EPHB1: variants seen among roughly 807,000 people sequenced by gnomAD.
EPHB1 encodes the protein EPH receptor B1, also known as ephrin type-B receptor 1.
A neutral mutation model predicts 94.4 loss-of-function variants in EPHB1; 30 were observed. That is an observed-to-expected ratio of 0.32 (90% confidence interval 0.24 to 0.43). The LOEUF (loss-of-function observed/expected upper bound fraction) is 0.43, where lower values mean the gene tolerates loss of function less well. EPHB1 is among the 20% of genes least tolerant of loss of function. The pLI, the probability that EPHB1 is intolerant of heterozygous loss-of-function variation, is 1.00. For missense variants in EPHB1, 1,055 were observed against 1,308.3 expected, an observed-to-expected ratio of 0.81 and a Z score of 2.99; for synonymous variants, 522 against 489.1, an observed-to-expected ratio of 1.07 and a Z score of -0.89.
At chr3:135,041,201 A>G (rs537856070) in intron 3 of EPHB1, among the ~76,000 whole-genome samples, 4 of 152,148 alleles carry the variant, frequency 2.6e-5, no homozygotes, top group African/African-American at 9.6e-5. Flanking sequence ...CTGCTATTCT[A>G]TTTTCTCTCT....
chr3:135,090,589 G>A (rs1938519529), intron 3 of EPHB1, among the ~76,000 whole-genome samples: 1 of 152,152 alleles, frequency 6.6e-6, no homozygotes, highest in African/African-American at 2.4e-5. Context: ...AACCCCCCTG[G>A]CAACATTGTG....
At chr3:135,079,591 T>G (rs1414262143) in intron 3 of EPHB1, among the ~76,000 whole-genome samples, 1 of 152,120 alleles carries the variant, frequency 6.6e-6, no homozygotes, top group Non-Finnish European at 1.5e-5. Context: ...AGCCCAACCA[T>G]CATCACATAG....
chr3:134,890,098 A>T (rs2037947044), intron 1 of EPHB1, among the ~76,000 whole-genome samples: 1 of 152,116 alleles, frequency 6.6e-6, no homozygotes, highest in African/African-American at 2.4e-5. Context: ...AACGCAGAGG[A>T]AGCCCCCATC....
chr3:134,895,241 G>T (rs140571681), intron 1 of EPHB1, among the ~76,000 whole-genome samples: 1 of 115,454 alleles, frequency 8.7e-6, no homozygotes, highest in Non-Finnish European at 2.0e-5. Context: ...GGCCCCAGCA[G>T]TTGACACCCA....
chr3:134,977,394 C>T (rs1934230292), intron 3 of EPHB1, among the ~76,000 whole-genome samples: 2 of 152,194 alleles, frequency 1.3e-5, no homozygotes, highest in Admixed American at 6.5e-5. Flanking sequence ...GAGCCCATGC[C>T]GTGGCAGACT....
chr3:135,196,024 A>C (rs1479110405), intron 11 of EPHB1, among the ~76,000 whole-genome samples: 16 of 140,744 alleles, frequency 1.1e-4, no homozygotes, highest in Non-Finnish European at 1.5e-4. Flanking sequence ...AATGATTGCC[A>C]TTCTAACTGG....
At chr3:134,849,744 G>T (rs1005215105) in intron 1 of EPHB1, among the ~76,000 whole-genome samples, 1 of 152,206 alleles carries the variant, frequency 6.6e-6, no homozygotes, top group African/African-American at 2.4e-5. Context: ...ACCAGCCCTC[G>T]CATGGCTGCC....
intron 1 of EPHB1, among the ~76,000 whole-genome samples, chr3:134,803,883 C>T (rs144645100): frequency 8.3e-4 from 126 of 152,282 alleles, no homozygotes; most frequent in African/African-American, 2.9e-3. Flanking sequence ...ATCAAAGGCA[C>T]AGACAGTCCT....
At chr3:134,806,026 G>A (rs1203107618) in intron 1 of EPHB1, among the ~76,000 whole-genome samples, 1 of 152,144 alleles carries the variant, frequency 6.6e-6, no homozygotes, top group Non-Finnish European at 1.5e-5. Context: ...CACATAGGAG[G>A]TGTCAATAAG....
chr3:134,964,164 A>G (rs1388245539), intron 3 of EPHB1, among the ~76,000 whole-genome samples: 1 of 152,242 alleles, frequency 6.6e-6, no homozygotes. Flanking sequence ...GAGTCTTTGC[A>G]TTAGGATGTA....
At chr3:135,179,644 TGGA>T (rs1306446745) in intron 9 of EPHB1, among the ~76,000 whole-genome samples, 2 of 151,994 alleles carry the variant, frequency 1.3e-5, no homozygotes, top group East Asian at 1.9e-4. Flanking sequence ...GAAGAAAATA[TGGA>T]GGAGAAGTAG....
chr3:134,819,330 C>A (rs1364633683), intron 1 of EPHB1, among the ~76,000 whole-genome samples: 1 of 152,164 alleles, frequency 6.6e-6, no homozygotes, highest in African/African-American at 2.4e-5. Context: ...ACGGGGCCAG[C>A]AGGCAGTATG....
chr3:134,850,260 C>G (rs2108299268), intron 1 of EPHB1, among the ~76,000 whole-genome samples: 1 of 152,350 alleles, frequency 6.6e-6, no homozygotes, highest in East Asian at 1.9e-4. Context: ...TTTAAAACAG[C>G]AGCTTTAAAG....
chr3:135,172,727 A>G (rs1227822098), intron 9 of EPHB1, among the ~76,000 whole-genome samples: 1 of 152,250 alleles, frequency 6.6e-6, no homozygotes, highest in African/African-American at 2.4e-5. Context: ...GAGTAAACGA[A>G]GTCTTATTGG....
At position 135,062,212 on chromosome 3, in the gene EPHB1, T is replaced by G. The variant is rs577922955; in HGVS notation, c.806-44236T>G. Among the ~76,000 whole-genome samples, 173 of 152,296 alleles carry G rather than the reference T, an allele frequency of 1.1e-3. 1 individual carries two copies. Among genetic ancestry groups the G allele is most frequent in the African/African-American group, 3.7e-3 (154 of 41,562 alleles). On this transcript the variant is annotated intron_variant, in intron 3 of 15. Coordinates refer to ENST00000398015, the MANE Select transcript of EPHB1 (RefSeq NM_004441.5). ...TTTCCTTGGGGTAGATATCCAGTAG[T>G]GGGATTGCTGGATCAAATGGTAGTT...
At chr3:135,038,365 T>G (rs1334800945) in intron 3 of EPHB1, among the ~76,000 whole-genome samples, 2 of 152,248 alleles carry the variant, frequency 1.3e-5, no homozygotes, top group Non-Finnish European at 2.9e-5. Flanking sequence ...CAGCATGTGC[T>G]GCTTCCTCTT....
chr3:135,256,719 A>G (rs549655958), intron 15 of EPHB1, among the ~76,000 whole-genome samples: 2 of 152,134 alleles, frequency 1.3e-5, no homozygotes, highest in African/African-American at 4.8e-5. Context: ...CTCGAGGAGT[A>G]TCTTTGTGGC....
intron 2 of EPHB1, among the ~76,000 whole-genome samples, chr3:134,936,427 C>T (rs1391752552): frequency 6.6e-6 from 1 of 152,044 alleles, no homozygotes; most frequent in Non-Finnish European, 1.5e-5. Context: ...GATGGAGGAG[C>T]CCAAGAGGAT....
intron 3 of EPHB1, among the ~76,000 whole-genome samples, chr3:135,086,771 G>C (rs1938377729): frequency 6.6e-6 from 1 of 151,382 alleles, no homozygotes; most frequent in Non-Finnish European, 1.5e-5. Flanking sequence ...TTTAACATTT[G>C]GTTCTTCCAC....
Sources: allele counts gnomAD v4.1 joint callset (sites outside exome capture counted in the v4.1 genomes callset), GRCh38; gene constraint gnomAD v4.1.1; transcripts MANE v1.5; gene names NCBI Gene and HGNC (gene_info 2026-07-23, HGNC 2026-07-21).